Variants in CPLANE1 observed in about 807,000 individuals in gnomAD.
CPLANE1 encodes ciliogenesis and planar polarity effector 1.
A neutral mutation model predicts 362.5 loss-of-function variants in CPLANE1; 263 were observed. The observed-to-expected ratio is 0.73, with a 90% CI of 0.66 to 0.80. The LOEUF is 0.80. CPLANE1 is among the 30% of genes least tolerant of loss of function. CPLANE1 has a pLI of 0.00. For synonymous variants in CPLANE1, 1,212 were observed against 1,302.6 expected, an observed-to-expected ratio of 0.93 and a Z score of 1.50; for missense variants, 3,461 against 3,793.4, an observed-to-expected ratio of 0.91 and a Z score of 2.30.
At chr5:37,091,286 C>T in the CPLANE1 span, among the ~76,000 whole-genome samples, 1 of 152,160 alleles carries the variant, frequency 6.6e-6, no homozygotes, top group Non-Finnish European at 1.5e-5. Context: ...ACACACCCTT[C>T]CTAGAGAGTC....
intron 43 of CPLANE1, among the ~76,000 whole-genome samples, chr5:37,143,213 C>T (rs1770346526): frequency 6.6e-6 from 1 of 152,162 alleles, no homozygotes; most frequent in African/African-American, 2.4e-5. Flanking sequence ...ACTCCAAAGA[C>T]AAACATATAA....
rs1162872564 is a variant in CPLANE1, at chr5:37,169,311, G to A, written c.6713C>T (p.Pro2238Leu). ...LQFKSKQEFQPLFLHTGSIPQ... is the reference protein window; with the variant it reads ...LQFKSKQEFQLLFLHTGSIPQ... ...AATACTTCCTGTATGTAAGAAAAGG[G>A]GCTGGAATTCTTGTTTAGACTTAAA... Residue 2238 changes from proline (P) to leucine (L), a missense_variant, in exon 34 of 53, where the codon CCC becomes CTC. Physicochemically the swap from Pro to Leu is moderately conservative, Grantham distance 98 (BLOSUM62 -3). Transcript: ENST00000651892. 1 of 1,613,994 alleles carries A rather than the reference G, an allele frequency of 6.2e-7. No homozygotes were observed. Among genetic ancestry groups the A allele is most frequent in the Non-Finnish European group, 8.5e-7 (1 of 1,180,040 alleles).
At chr5:37,173,628 G>A in intron 32 of CPLANE1, 127 bp downstream of exon 32, 1 of 806,942 alleles carries the variant, frequency 1.2e-6, no homozygotes. Flanking sequence ...TGAATGAAAA[G>A]TACCCAAAGC....
chr5:37,243,433 C>A (rs1008997874), intron 5 of CPLANE1, among the ~76,000 whole-genome samples: 2 of 151,254 alleles, frequency 1.3e-5, no homozygotes, highest in African/African-American at 2.4e-5. Flanking sequence ...AGCACACCAC[C>A]CTGAGAGTGG....
rs1457095651 is a variant in CPLANE1, at chr5:37,209,983, T to A, written c.2921-3558A>T. 12 of 935,798 alleles carry A rather than the reference T, an allele frequency of 1.3e-5. No homozygotes were observed. The highest frequency in any genetic ancestry group is 2.1e-5 in the Non-Finnish European group (12 of 574,778). The allele number at this position is 935,798 out of a possible 1,614,324, so 58.0% of individuals were successfully genotyped here. A position where few individuals can be genotyped will look rare whatever the true frequency, so the allele number is the denominator to read the frequency against. Reference sequence around the variant, plus strand: ...AAGCTAAATGAATATAAGAGAGAAATAGAAGAGCAACTTCGGGAAGAAATA... The same window carrying A: ...AAGCTAAATGAATATAAGAGAGAAAAAGAAGAGCAACTTCGGGAAGAAATA... On this transcript the variant is annotated intron_variant, in intron 16 of 52. Coordinates refer to ENST00000651892, the MANE Select transcript of CPLANE1 (RefSeq NM_001384732.1). This position sits in a 1 kb window ranked among gnomAD's most constrained non-coding sequence, Gnocchi z 4.6.
chr5:37,221,069 G>A (rs1172615823), intron 15 of CPLANE1, among the ~76,000 whole-genome samples: 4 of 152,182 alleles, frequency 2.6e-5, no homozygotes, highest in African/African-American at 9.7e-5. Flanking sequence ...CTATTGGGAA[G>A]CTGAGAGTCC....
chr5:37,123,930 T>C (rs867585941), intron 47 of CPLANE1, among the ~76,000 whole-genome samples: 7 of 144,432 alleles, frequency 4.8e-5, no homozygotes, highest in Admixed American at 1.4e-4. Context: ...TAGGGGAACA[T>C]ACACACACAC....
the CPLANE1 span, among the ~76,000 whole-genome samples, chr5:37,091,568 T>A: frequency 3.3e-4 from 50 of 152,058 alleles, no homozygotes; most frequent in Admixed American, 2.2e-3. Context: ...CCTCCAACAC[T>A]ATTGGCACAA....
At chr5:37,199,898 G>T (rs572816171) in intron 19 of CPLANE1, among the ~76,000 whole-genome samples, 25 of 152,322 alleles carry the variant, frequency 1.6e-4, no homozygotes, top group Admixed American at 3.3e-4. Context: ...ACCCAAGCCA[G>T]TCTCACTAAG....
chr5:37,179,577 C>A (rs1782118702), intron 28 of CPLANE1, 134 bp from the exon 29 acceptor site: 4 of 635,332 alleles, frequency 6.3e-6, no homozygotes, highest in Non-Finnish European at 1.1e-5. Flanking sequence ...TAAAGACAGT[C>A]TTTGAAAACA....
At chr5:37,134,423 A>G (rs868761352) in intron 46 of CPLANE1, among the ~76,000 whole-genome samples, 1 of 152,174 alleles carries the variant, frequency 6.6e-6, no homozygotes, top group Non-Finnish European at 1.5e-5. Flanking sequence ...TACTTTGTGC[A>G]TACAGGCATT....
chr5:37,135,476 CCTT>C (rs1767396844), intron 46 of CPLANE1, among the ~76,000 whole-genome samples: 1 of 152,112 alleles, frequency 6.6e-6, no homozygotes. Flanking sequence ...GCAAACATGT[CCTT>C]CTCCACATGG....
In CPLANE1 at chr5:37,107,106, T is replaced by C. The variant is rs529686394; in HGVS notation, c.*496A>G. Reference sequence around the variant, plus strand: ...GAGATTCAGGGTTGGTAAAAGGTAGTTGGTTTTTCTTTTCACTCCTAGGCT... The same window carrying C: ...GAGATTCAGGGTTGGTAAAAGGTAGCTGGTTTTTCTTTTCACTCCTAGGCT... On this transcript the variant is annotated 3_prime_UTR_variant, in exon 53 of 53. Coordinates refer to ENST00000651892, the MANE Select transcript of CPLANE1 (RefSeq NM_001384732.1). 3.0e-6 allele frequency: 3 copies of C among 985,460 alleles called. No homozygotes were observed. In the African/African-American group the frequency reaches 5.2e-5, roughly 17 times the overall value. 61.0% of individuals were successfully genotyped at this position (985,460 alleles called of 1,614,324 possible).
In CPLANE1 at chr5:37,230,869, A is replaced by G; in HGVS notation, c.1119T>C (p.Tyr373=). 1 of 1,520,160 alleles carries G rather than the reference A, an allele frequency of 6.6e-7. No individual in the cohort carries two copies. The highest frequency in any genetic ancestry group is 8.8e-7 in the Non-Finnish European group (1 of 1,131,388). 94.2% of individuals were successfully genotyped at this position (1,520,160 alleles called of 1,614,324 possible). Residue 373 remains tyrosine, a splice_region_variant and synonymous_variant, in exon 9 of 53, where the codon TAT becomes TAC. Transcript: ENST00000651892. ...TTAACACAATTCAAATGTCTCACCT[A>G]TACGTTATTAGTGGATGAAGAGGAA... is the stretch of plus-strand genomic sequence containing the variant. ...EFIPLHPLIT[Y]RPQQFTFQDS...
intron 38 of CPLANE1, among the ~76,000 whole-genome samples, chr5:37,161,087 G>A (rs1407686294): frequency 6.6e-6 from 1 of 152,174 alleles, no homozygotes; most frequent in Non-Finnish European, 1.5e-5. Flanking sequence ...TAATTTGTAG[G>A]AGAAAAAACT....
intron 8 of CPLANE1, among the ~76,000 whole-genome samples, chr5:37,232,061 C>G (rs545982086): frequency 3.0e-4 from 46 of 152,096 alleles, no homozygotes; most frequent in Non-Finnish European, 5.7e-4. Context: ...CATAGAACAG[C>G]ATGGAAAAGT....
the CPLANE1 span, among the ~76,000 whole-genome samples, chr5:37,079,101 G>A: frequency 6.6e-6 from 1 of 152,118 alleles, no homozygotes; most frequent in South Asian, 2.1e-4. Flanking sequence ...AGTGATTTTG[G>A]TATTTGCATT....
intron 16 of CPLANE1, among the ~76,000 whole-genome samples, chr5:37,208,047 C>T (rs1042450933): frequency 6.6e-6 from 1 of 152,214 alleles, no homozygotes; most frequent in African/African-American, 2.4e-5. Flanking sequence ...CATCTGGGCT[C>T]AAGCAATCCT....
intron 8 of CPLANE1, among the ~76,000 whole-genome samples, chr5:37,235,280 G>A (rs192480334): frequency 2.0e-5 from 3 of 151,860 alleles, no homozygotes; most frequent in African/African-American, 7.2e-5. Flanking sequence ...TAACCAAGAA[G>A]GTAAAAGATC....
Sources: gnomAD v4.1 joint callset for allele counts (sites outside exome capture counted in the v4.1 genomes callset) on GRCh38, gnomAD v4.1.1 for gene constraint, Gnocchi (gnomAD v3.1) non-coding constraint, MANE v1.5 for transcripts, NCBI Gene and HGNC (gene_info 2026-07-23, HGNC 2026-07-21) for gene names.